LITAF: variants seen among roughly 807,000 people sequenced by gnomAD.
The protein encoded by LITAF is lipopolysaccharide-induced tumor necrosis factor-alpha factor.
Under a neutral mutation model 14.5 loss-of-function variants are expected in LITAF, and 9 were observed. The observed-to-expected ratio is 0.62, with a 90% CI of 0.37 to 1.08. The LOEUF (loss-of-function observed/expected upper bound fraction) is 1.08, where lower values mean the gene tolerates loss of function less well. LITAF is among the 50% of genes least tolerant of loss of function. The pLI is 0.01. For missense variants in LITAF, 206 were observed against 213.4 expected, an observed-to-expected ratio of 0.97 and a Z score of 0.22; for synonymous variants, 98 against 88.2, an observed-to-expected ratio of 1.11 and a Z score of -0.62.
chr16:11,592,612 C>T (rs1049489210), intron 1 of LITAF, among the ~76,000 whole-genome samples: 1 of 150,602 alleles, frequency 6.6e-6, no homozygotes, highest in South Asian at 2.1e-4. Context: ...CTTGAGTAGA[C>T]CTTACCCCCA....
intron 3 of LITAF, among the ~76,000 whole-genome samples, chr16:11,611,176 A>C (rs925018285): frequency 1.4e-5 from 2 of 147,238 alleles, no homozygotes; most frequent in African/African-American, 2.6e-5. Context: ...ATAGTGAGAC[A>C]AAAAAAAAAA....
upstream of LITAF, among the ~76,000 whole-genome samples, chr16:11,638,984 A>C (rs1447626448): frequency 6.6e-6 from 1 of 152,168 alleles, no homozygotes; most frequent in South Asian, 2.1e-4. Flanking sequence ...GACGTCAACA[A>C]CTTATTGTGA....
chr16:11,624,324 C>A (rs183790038), intron 3 of LITAF, among the ~76,000 whole-genome samples: 6 of 152,274 alleles, frequency 3.9e-5, no homozygotes, highest in Non-Finnish European at 8.8e-5. Context: ...TAAACTCCCA[C>A]GGTTGAATCT....
intron 1 of LITAF, among the ~76,000 whole-genome samples, chr16:11,576,776 G>A (rs571980904): frequency 2.6e-5 from 4 of 152,142 alleles, no homozygotes; most frequent in African/African-American, 4.8e-5. Context: ...TGCCGTGGGC[G>A]CCTCCTCTGA....
chr16:11,575,046 G>A (rs6498225), intron 1 of LITAF, among the ~76,000 whole-genome samples: 103,510 of 151,908 alleles, frequency 0.68, 35,473 homozygotes, highest in Non-Finnish European at 0.71. Context: ...CAAGTGATCC[G>A]CCCACCTCGG....
intron 1 of LITAF, among the ~76,000 whole-genome samples, chr16:11,597,786 C>T (rs909994381): frequency 1.3e-5 from 2 of 152,194 alleles, no homozygotes; most frequent in Admixed American, 6.5e-5. Flanking sequence ...GAAGGAGAGC[C>T]CTCTGCCTGT....
chr16:11,638,701 CAAAAAAAAAAAAAAAAAAAAAAAAAAAA>C (rs57170972), upstream of LITAF, among the ~76,000 whole-genome samples: 1 of 75,952 alleles, frequency 1.3e-5, no homozygotes, highest in African/African-American at 3.5e-5. Flanking sequence ...GACTCTGTCT[CAAAAAAAAAAAAAAAAAAAAAAAAAAAA>C]AAAAAAAAAA....
upstream of LITAF, among the ~76,000 whole-genome samples, chr16:11,591,972 T>C (rs996518362): frequency 6.6e-6 from 1 of 152,212 alleles, no homozygotes; most frequent in Non-Finnish European, 1.5e-5. Context: ...TCACATCATA[T>C]ACAAAGGTTG....
At chr16:11,604,298 A>T (rs1280445056) in intron 3 of LITAF, among the ~76,000 whole-genome samples, 3 of 152,200 alleles carry the variant, frequency 2.0e-5, no homozygotes, top group Non-Finnish European at 4.4e-5. Flanking sequence ...AAGGGAAAGA[A>T]ATTCCTGAGA....
At position 11,628,002 on chromosome 16, in the gene LITAF, ACT is replaced by A. The variant is rs1352181284; in HGVS notation, c.85+5529_85+5530del. On this transcript the variant is annotated intron_variant, in intron 3 of 3. Transcript: ENST00000574848. ...ACTCCAGCCTGAGCGACAGAGTGAGACTCTGTCAAAAAAAAAAAAAAAAAAAA... is the reference window on the plus strand; with the variant it reads ...ACTCCAGCCTGAGCGACAGAGTGAGACTGTCAAAAAAAAAAAAAAAAAAAA... 4.1e-5 allele frequency among the ~76,000 whole-genome samples: 5 copies of A among 121,664 alleles called. No individual in the cohort carries two copies. In the South Asian group the frequency reaches 8.8e-4, roughly 21 times the overall value. The allele number at this position is 121,664 out of a possible 152,430, so 79.8% of individuals were successfully genotyped here.
At chr16:11,609,878 CA>C (rs1305822589) in intron 3 of LITAF, among the ~76,000 whole-genome samples, 1 of 152,218 alleles carries the variant, frequency 6.6e-6, no homozygotes, top group African/African-American at 2.4e-5. Flanking sequence ...GTGATGGAAA[CA>C]AATTTTCACT....
At chr16:11,637,506 G>A (rs2065142574), upstream of LITAF, among the ~76,000 whole-genome samples, 2 of 152,226 alleles carry the variant, frequency 1.3e-5, no homozygotes, top group South Asian at 4.1e-4. Flanking sequence ...CTATGGCCTG[G>A]TAAAACTGCC....
At chr16:11,554,695 G>A (rs149224090) in intron 2 of LITAF, among the ~76,000 whole-genome samples, 2,791 of 150,486 alleles carry the variant, frequency 0.019, 54 homozygotes, top group Non-Finnish European at 0.023. Context: ...GGCTGAGGCA[G>A]GAGAATTGCT....
intron 3 of LITAF, among the ~76,000 whole-genome samples, chr16:11,608,017 C>T (rs1335924866): frequency 6.6e-6 from 1 of 152,188 alleles, no homozygotes; most frequent in Non-Finnish European, 1.5e-5. Flanking sequence ...CCCCCTCAGG[C>T]ATGAAGCTGG....
At chr16:11,563,914 T>C (rs2064412117) in intron 1 of LITAF, among the ~76,000 whole-genome samples, 1 of 152,010 alleles carries the variant, frequency 6.6e-6, no homozygotes, top group Admixed American at 6.6e-5. Flanking sequence ...GTTTTGCTTG[T>C]GTTTTTGTTT....
intron 1 of LITAF, among the ~76,000 whole-genome samples, chr16:11,581,375 T>C (rs1266418077): frequency 6.6e-6 from 1 of 152,140 alleles, no homozygotes. Context: ...TGCTTTGGGG[T>C]GAGGCTCATG....
At chr16:11,556,276 T>C (rs1196618250) in intron 2 of LITAF, 3 of 546,678 alleles carry the variant, frequency 5.5e-6, no homozygotes, top group Non-Finnish European at 9.7e-6. Context: ...TGCCAAAAGA[T>C]TCGTATATGA....
chr16:11,579,459 AAAAATAAAATAAAATAAAATAAAAT>A (rs57762611), intron 1 of LITAF, among the ~76,000 whole-genome samples: 1,438 of 110,394 alleles, frequency 0.013, 110 homozygotes, highest in East Asian at 0.027. Context: ...CTCCGTCTCA[AAAAATAAAATAAAATAAAATAAAAT>A]AAAATAAAAT....
chr16:11,608,340 T>G (rs1348612092), intron 3 of LITAF, among the ~76,000 whole-genome samples: 1 of 152,164 alleles, frequency 6.6e-6, no homozygotes, highest in Non-Finnish European at 1.5e-5. Context: ...GGGGAACAAG[T>G]TGGATTCTAC....
Sources: gnomAD v4.1 joint callset for allele counts (sites outside exome capture counted in the v4.1 genomes callset) on GRCh38, gnomAD v4.1.1 for gene constraint, MANE v1.5 for transcripts, NCBI Gene and HGNC (gene_info 2026-07-23, HGNC 2026-07-21) for gene names.